The following JAG2 variants were observed in gnomAD, a reference collection of about 807,000 sequenced individuals.
JAG2 encodes the protein jagged canonical Notch ligand 2.
JAG2 carries 46 observed loss-of-function variants against 141.7 expected under a neutral mutation model. The ratio of observed to expected loss-of-function variants is 0.32; its 90% CI spans 0.26 to 0.42. The LOEUF (loss-of-function observed/expected upper bound fraction) is 0.42, where lower values mean the gene tolerates loss of function less well. Among genes scored for constraint, JAG2 ranks in the 10% least tolerant of loss-of-function variants. The probability of loss-of-function intolerance (pLI) is 1.00; values close to 1 mark genes in which losing one functional copy is unlikely to be tolerated. For synonymous variants in JAG2, 862 were observed against 763.5 expected, an observed-to-expected ratio of 1.13 and a Z score of -2.13; for missense variants, 1,500 against 1,817.5, an observed-to-expected ratio of 0.83 and a Z score of 3.18.
intron 7 of JAG2, 89 bp downstream of exon 7, chr14:105,151,849 A>T (rs886718196): frequency 1.9e-6 from 3 of 1,607,218 alleles, no homozygotes; most frequent in Non-Finnish European, 1.7e-6. Context: ...GGCCCACCAC[A>T]CAGGACGCCA....
rs988057635 is a variant in JAG2 at position 105,142,055 on chromosome 14, G to A, written c.*640C>T. 1 of 152,970 alleles carries A rather than the reference G, an allele frequency of 6.5e-6. No homozygotes were observed. Among genetic ancestry groups the A allele is most frequent in the East Asian group, 1.9e-4 (1 of 5,196 alleles). 9.5% of individuals were successfully genotyped at this position (152,970 alleles called of 1,614,324 possible). The stretch of plus-strand genomic sequence containing the variant: ...GGGTGGACTGGCCAGCAAGCGCGAG[G>A]TTGACCTGCCAGCCTTGGGCCACGC... On this transcript the variant is annotated 3_prime_UTR_variant, in exon 26 of 26. Coordinates refer to ENST00000331782, the MANE Select transcript of JAG2 (RefSeq NM_002226.5).
At position 105,151,113 on chromosome 14, in the gene JAG2, G is replaced by A. The variant is rs766458881; in HGVS notation, c.1268-9C>T. 2 of 1,606,462 alleles carry A rather than the reference G, an allele frequency of 1.2e-6. No homozygotes were observed. The highest frequency in any genetic ancestry group is 1.3e-5 in the African/African-American group (1 of 74,946). ...TTCACACTCATTGGCGTCTGTGAAA[G>A]AGACAAGGTGGGAGCCGTGGGGCTC... On this transcript the variant is annotated splice_polypyrimidine_tract_variant and intron_variant, in intron 9 of 25. Coordinates refer to ENST00000331782, the MANE Select transcript of JAG2 (RefSeq NM_002226.5).
At chr14:105,163,953 G>C (rs1888835075) in intron 2 of JAG2, among the ~76,000 whole-genome samples, 1 of 152,046 alleles carries the variant, frequency 6.6e-6, no homozygotes, top group African/African-American at 2.4e-5. Flanking sequence ...TCCACCACCA[G>C]CAGCAGCTCA....
At chr14:105,164,192 C>G (rs1888842675) in intron 2 of JAG2, among the ~76,000 whole-genome samples, 1 of 152,126 alleles carries the variant, frequency 6.6e-6, no homozygotes, top group Non-Finnish European at 1.5e-5. Flanking sequence ...GCCCACTCTC[C>G]AATCCTCCCT....
intron 7 of JAG2, 34 bp from the exon 8 acceptor site, chr14:105,151,773 G>A (rs1566764287): frequency 6.2e-7 from 1 of 1,600,348 alleles, no homozygotes; most frequent in Non-Finnish European, 8.5e-7. Context: ...AGAGCTGGCA[G>A]CCAGGCCCCC....
Position 105,147,329 on chromosome 14 carries a change from T to A in JAG2, c.2476A>T (p.Ile826Phe), listed in dbSNP as rs1208822278. 2 of 1,555,204 alleles carry A rather than the reference T, an allele frequency of 1.3e-6. No homozygotes were observed. Among genetic ancestry groups the A allele is most frequent in the Non-Finnish European group, 1.7e-6 (2 of 1,149,670 alleles). ...APGFAGPDCR[I>F]NIDECQSSPC... ...CTGGGGCTGTCTGGCCACTCACTGA[T>A]GCGGCAGTCAGGCCCCGCGAAGCCA... Residue 826 changes from isoleucine to phenylalanine, a missense_variant, in exon 20 of 26, where the codon ATC becomes TTC. By Grantham distance (21) the Ile-to-Phe change is conservative. Around this residue, in one of 3 missense-constraint regions of JAG2, gnomAD observed 875 missense variants for 1,202.2 expected, o/e 0.73. Coordinates refer to ENST00000331782, the MANE Select transcript of JAG2 (RefSeq NM_002226.5).
At chr14:105,165,162 G>A (rs1888871848) in intron 2 of JAG2, among the ~76,000 whole-genome samples, 1 of 151,998 alleles carries the variant, frequency 6.6e-6, no homozygotes, top group African/African-American at 2.4e-5. Context: ...CTCTGAGGGT[G>A]GGGCCCTGGC....
chr14:105,142,642 A>G lies in JAG2; in HGVS notation c.*53T>C. On this transcript the variant is annotated 3_prime_UTR_variant, in exon 26 of 26. Coordinates refer to ENST00000331782, the MANE Select transcript of JAG2 (RefSeq NM_002226.5). The stretch of plus-strand genomic sequence containing the variant: ...TGGCCTCGGCCTCCGGGTCCGGCAG[A>G]CGGCATGGCTCCCACCGAGGGCCCT... 1 of 1,401,778 alleles carries G rather than the reference A, an allele frequency of 7.1e-7. No homozygotes were observed. Among genetic ancestry groups the G allele is most frequent in the South Asian group, 1.2e-5 (1 of 81,026 alleles). 86.8% of individuals were successfully genotyped at this position (1,401,778 alleles called of 1,614,324 possible).
At chr14:105,157,294 G>A (rs1888610497) in intron 3 of JAG2, among the ~76,000 whole-genome samples, 1 of 152,112 alleles carries the variant, frequency 6.6e-6, no homozygotes, top group Non-Finnish European at 1.5e-5. Flanking sequence ...GGGTGCTTCT[G>A]CATTCACCCA....
chr14:105,146,563 C>T, intron 21 of JAG2, 48 bp downstream of exon 21: 3 of 1,601,912 alleles, frequency 1.9e-6, no homozygotes, highest in Non-Finnish European at 1.7e-6. Context: ...TGGGTGTCAC[C>T]CATGCCCCCC....
chr14:105,152,267 C>A lies in JAG2; in HGVS notation c.813G>T (p.Arg271Ser). The change falls in exon 6 of 26, where the codon AGG (arginine) becomes AGT (serine). Residue 271 changes from arginine to serine, a missense_variant. By Grantham distance (110) the Arg-to-Ser change is moderately radical. This residue lies in a region of JAG2 where 875 missense variants were observed against 1,202.2 expected (regional missense o/e 0.73). Transcript: ENST00000331782. Reference protein sequence around the residue: ...ECRCSYGWQGRFCDECVPYPG... With the variant: ...ECRCSYGWQGSFCDECVPYPG... ...GGTAGGGGACACACTCATCGCAGAA[C>A]CTCCCTTGCCAGCCGTAGCTGCACC... The A allele has an allele frequency of 6.2e-7, 1 of 1,613,162 alleles. No individual in the cohort carries two copies. Among genetic ancestry groups the A allele is most frequent in the Non-Finnish European group, 8.5e-7 (1 of 1,179,934 alleles).
intron 2 of JAG2, among the ~76,000 whole-genome samples, chr14:105,162,447 G>A (rs1185510321): frequency 2.6e-5 from 1 of 39,182 alleles, no homozygotes; most frequent in Admixed American, 2.0e-4. Flanking sequence ...CAAGACAATA[G>A]ATGTTCCACC....
At chr14:105,166,923 G>A (rs186677558) in intron 2 of JAG2, among the ~76,000 whole-genome samples, 2 of 152,288 alleles carry the variant, frequency 1.3e-5, no homozygotes, top group Admixed American at 6.5e-5. Flanking sequence ...GGGCAAGGCC[G>A]TGCTCCAGGC....
At chr14:105,151,498 T>C (rs1039043442) in intron 8 of JAG2, 102 bp from the exon 9 acceptor site, 1 of 1,372,836 alleles carries the variant, frequency 7.3e-7, no homozygotes, top group Non-Finnish European at 1.0e-6. Context: ...CTGCCATTTG[T>C]CCTCGCCAAG....
chr14:105,166,810 T>C (rs962760461), intron 2 of JAG2, among the ~76,000 whole-genome samples: 3 of 152,160 alleles, frequency 2.0e-5, no homozygotes, highest in East Asian at 1.9e-4. Flanking sequence ...CCCAGATCCA[T>C]CTACTCCCTG....
Position 105,142,211 on chromosome 14 carries a change from TGACAGCCACGAGTCCCACC to T in JAG2, c.*465_*483del, listed in dbSNP as rs1888077899. On this transcript the variant is annotated 3_prime_UTR_variant, in exon 26 of 26. Coordinates refer to ENST00000331782, the MANE Select transcript of JAG2 (RefSeq NM_002226.5). ...TCCCACCGACAGCCACAGGTCCCATTGACAGCCACGAGTCCCACCGACAGCCACAGGCCACACCATCAGC... is the reference window on the plus strand; with the variant it reads ...TCCCACCGACAGCCACAGGTCCCATTGACAGCCACAGGCCACACCATCAGC... 6.4e-6 allele frequency: 1 copy of T among 156,440 alleles called. No homozygotes were observed. Among genetic ancestry groups the T allele is most frequent in the African/African-American group, 2.5e-5 (1 of 39,900 alleles). 9.7% of individuals were successfully genotyped at this position (156,440 alleles called of 1,614,324 possible).
Position 105,155,939 on chromosome 14 carries a change from C to T in JAG2, c.526G>A (p.Asp176Asn). The T allele has an allele frequency of 3.1e-6, 5 of 1,611,058 alleles. No individual in the cohort carries two copies. Among genetic ancestry groups the T allele is most frequent in the South Asian group, 1.1e-5 (1 of 91,034 alleles). The change falls in exon 4 of 26, where the codon GAC becomes AAC. Residue 176 changes from aspartate (D) to asparagine (N), a missense_variant. This residue lies in a region of JAG2 where 875 missense variants were observed against 1,202.2 expected (regional missense o/e 0.73). Transcript: ENST00000331782. ...VSHAGMINPE[D>N]RWKSLHFSGH... ...CTGAAGTGCAGGCTCTTCCAGCGGT[C>T]CTCCGGGTTGATCATGCCGGCATGC...
Position 105,168,118 on chromosome 14 carries a change from G to A in JAG2, c.67-11C>T, listed in dbSNP as rs754317948. On this transcript the variant is annotated splice_polypyrimidine_tract_variant and intron_variant, in intron 1 of 25. Coordinates refer to ENST00000331782, the MANE Select transcript of JAG2 (RefSeq NM_002226.5). ...CATGGGCCGCGCCGCCTAAAAATAA[G>A]GCAGCGGGAGAGCGGAGGGAGGCGC... 130 of 1,527,796 alleles carry A rather than the reference G, an allele frequency of 8.5e-5. No homozygotes were observed. In the Admixed American group the frequency reaches 2.4e-3, roughly 28 times the overall value. The allele number at this position is 1,527,796 out of a possible 1,614,324, so 94.6% of individuals were successfully genotyped here.
chr14:105,151,956 C>T lies in JAG2; in HGVS notation c.1021G>A (p.Gly341Ser). The T allele has an allele frequency of 6.2e-7, 1 of 1,613,192 alleles. No homozygotes were observed. ...CACGTACCCTTCTCACAGTTCCTGC[C>T]CGAGTAGCCGTCAGGGCAGGTGCAG... ...YRCTCPDGYS[G>S]RNCEKAEHAC... Residue 341 changes from glycine (G) to serine (S), a missense_variant, in exon 7 of 26, where the codon GGC becomes AGC. Gly to Ser is a moderately conservative substitution (Grantham distance 56). Coordinates refer to ENST00000331782, the MANE Select transcript of JAG2 (RefSeq NM_002226.5).
Sources: gnomAD v4.1 joint callset for allele counts (sites outside exome capture counted in the v4.1 genomes callset) on GRCh38, gnomAD v4.1.1 for gene constraint, gnomAD v4.1.1 regional missense constraint, MANE v1.5 for transcripts, NCBI Gene and HGNC (gene_info 2026-07-23, HGNC 2026-07-21) for gene names.